FBXL18: variants seen among roughly 807,000 people sequenced by gnomAD.
FBXL18 encodes the protein F-box and leucine rich repeat protein 18, also known as F-box/LRR-repeat protein 18.
In FBXL18, 36 loss-of-function variants were observed where a neutral mutation model predicts 46.0. That is an observed-to-expected ratio of 0.78 (90% CI 0.60 to 1.03). The LOEUF (loss-of-function observed/expected upper bound fraction) is 1.03. Among genes scored for constraint, FBXL18 ranks in the 50% least tolerant of loss-of-function variants. FBXL18 has a pLI of 0.00. For synonymous variants in FBXL18, 557 were observed against 465.3 expected (o/e 1.20, Z -2.54); for missense variants, 977 against 1,004.1 (o/e 0.97, Z 0.36).
At chr7:5,486,488 TA>T (rs964660320) in intron 4 of FBXL18, among the ~76,000 whole-genome samples, 2 of 149,394 alleles carry the variant, frequency 1.3e-5, no homozygotes, top group African/African-American at 4.9e-5. Context: ...TCCATCTCTA[TA>T]AAAAAATGTA....
chr7:5,455,618 C>G lies in FBXL18; in HGVS notation c.2001-7775G>C, dbSNP rs954821744. 6.6e-6 allele frequency among the ~76,000 whole-genome samples: 1 copy of G among 152,076 alleles called. No individual in the cohort carries two copies. Among genetic ancestry groups the G allele is most frequent in the Non-Finnish European group, 1.5e-5 (1 of 68,016 alleles). On this transcript the variant is annotated intron_variant and NMD_transcript_variant, in intron 4 of 6. Transcript: ENST00000415009. This position sits in a 1 kb window ranked among gnomAD's most constrained non-coding sequence, Gnocchi z 4.6. ...TGCATTCCCATGGCGCCAAGTCGGT[C>G]CTGAGAAGATCCTCCGGGATTGCTG...
Position 5,484,332 on chromosome 7 carries a change from G to A in FBXL18, c.2001-2401C>T, listed in dbSNP as rs986060780. On this transcript the variant is annotated intron_variant, in intron 4 of 4. Transcript: ENST00000382368. ...AATACAAAAAAAAAATTAGCCGGGCGTGGTGGTGGGCGCCTGTAGTCCCAG... is the reference window on the plus strand; with the variant it reads ...AATACAAAAAAAAAATTAGCCGGGCATGGTGGTGGGCGCCTGTAGTCCCAG... Among the ~76,000 whole-genome samples the A allele has an allele frequency of 1.1e-4, 16 of 152,120 alleles. No individual in the cohort carries two copies. The East Asian group carries it at 2.9e-3, about 28-fold the overall frequency.
At chr7:5,510,911 C>T (rs1784515934) in intron 1 of FBXL18, among the ~76,000 whole-genome samples, 1 of 152,078 alleles carries the variant, frequency 6.6e-6, no homozygotes, top group Non-Finnish European at 1.5e-5. Context: ...TTACCAGGCA[C>T]ACTAGGAACC....
At chr7:5,466,243 A>C (rs1212864712) in intron 4 of FBXL18, among the ~76,000 whole-genome samples, 2 of 152,156 alleles carry the variant, frequency 1.3e-5, no homozygotes, top group Admixed American at 1.3e-4. Flanking sequence ...AAACGGTGTT[A>C]ATTACCACAC....
chr7:5,478,893 T>C lies in FBXL18; in HGVS notation c.*2882A>G, dbSNP rs1282931447. 6.6e-6 allele frequency: 1 copy of C among 152,268 alleles called. No homozygotes were observed. Among genetic ancestry groups the C allele is most frequent in the African/African-American group, 2.4e-5 (1 of 41,458 alleles). The allele number at this position is 152,268 out of a possible 1,614,324, so 9.4% of individuals were successfully genotyped here. The stretch of plus-strand genomic sequence containing the variant: ...CGCACGCAGGCACGGGGACAAGTGC[T>C]GACCACGCTCCTCCAGCAGGCAGCA... On this transcript the variant is annotated 3_prime_UTR_variant, in exon 5 of 5. Transcript: ENST00000382368.
intron 1 of FBXL18, among the ~76,000 whole-genome samples, chr7:5,511,446 T>A (rs1454225456): frequency 6.6e-6 from 1 of 151,870 alleles, no homozygotes; most frequent in East Asian, 1.9e-4. Context: ...GTATTTTTTT[T>A]ACAAAAATAC....
Position 5,513,755 on chromosome 7 carries a change from G to T in FBXL18, c.-81C>A. On this transcript the variant is annotated 5_prime_UTR_variant, in exon 1 of 5. Transcript: ENST00000382368. ...TGCCCGGCTAGGGATGCTCGAAGCC[G>T]GCGCGTCCACCGCTCAACCGAGACC... 6.5e-7 allele frequency: 1 copy of T among 1,541,036 alleles called. No homozygotes were observed. The highest frequency in any genetic ancestry group is 8.8e-7 in the Non-Finnish European group (1 of 1,140,376).
At chr7:5,467,959 A>G (rs544803743) in intron 4 of FBXL18, among the ~76,000 whole-genome samples, 1 of 152,144 alleles carries the variant, frequency 6.6e-6, no homozygotes, top group East Asian at 1.9e-4. Flanking sequence ...CAGGACCCGA[A>G]ATCCAATGAT....
chr7:5,489,976 T>C, intron 4 of FBXL18: 2 of 1,278,786 alleles, frequency 1.6e-6, no homozygotes, highest in Non-Finnish European at 2.1e-6. Flanking sequence ...GATTGATGCA[T>C]AGTCTAAATT....
At chr7:5,499,779 G>C (rs561501244) in intron 3 of FBXL18, among the ~76,000 whole-genome samples, 1 of 151,252 alleles carries the variant, frequency 6.6e-6, no homozygotes, top group Admixed American at 6.6e-5. Flanking sequence ...GGAGGCCAAG[G>C]GTGGTGGCTC....
intron 3 of FBXL18, among the ~76,000 whole-genome samples, chr7:5,493,333 G>A (rs1005221782): frequency 6.6e-6 from 1 of 152,144 alleles, no homozygotes; most frequent in Non-Finnish European, 1.5e-5. Flanking sequence ...AGACAGTCTC[G>A]ATCTGTTGCC....
At chr7:5,458,659 T>G (rs1783204230) in intron 4 of FBXL18, among the ~76,000 whole-genome samples, 1 of 149,638 alleles carries the variant, frequency 6.7e-6, no homozygotes, top group Non-Finnish European at 1.5e-5. Flanking sequence ...ATTGCGCCAC[T>G]GCACTCCAGC....
intron 3 of FBXL18, chr7:5,495,862 G>T: frequency 2.1e-6 from 1 of 480,676 alleles, no homozygotes; most frequent in South Asian, 1.5e-5. Context: ...TTCTGAACAG[G>T]CAGTACCCAG....
chr7:5,469,800 G>A (rs769605194), intron 4 of FBXL18, among the ~76,000 whole-genome samples: 9 of 151,956 alleles, frequency 5.9e-5, no homozygotes, highest in Non-Finnish European at 1.3e-4. Context: ...ACATGTGGAA[G>A]TGTGAGCACT....
chr7:5,468,948 A>G (rs56127403), intron 4 of FBXL18, among the ~76,000 whole-genome samples: 26,997 of 151,570 alleles, frequency 0.18, 2,680 homozygotes, highest in Middle Eastern at 0.24. Context: ...CTAGGTGTAT[A>G]AAATTAATCC....
intron 1 of FBXL18, 129 bp from the exon 2 acceptor site, chr7:5,505,759 A>G: frequency 1.4e-6 from 1 of 699,592 alleles, no homozygotes; most frequent in Non-Finnish European, 2.4e-6. Context: ...TAAAACTCTC[A>G]ACTGAATGAC....
At chr7:5,510,831 A>G (rs935588811) in intron 1 of FBXL18, among the ~76,000 whole-genome samples, 12 of 152,094 alleles carry the variant, frequency 7.9e-5, no homozygotes, top group Admixed American at 6.6e-4. Context: ...ACAGGTCCCA[A>G]CCAGGCACCT....
At chr7:5,498,080 C>CTTTTTTTTTT (rs767982897) in intron 3 of FBXL18, among the ~76,000 whole-genome samples, 1 of 139,040 alleles carries the variant, frequency 7.2e-6, no homozygotes, top group Non-Finnish European at 1.6e-5. Context: ...TTTCTTTTTA[C>CTTTTTTTTTT]TTTTTTTTTT....
At position 5,481,464 on chromosome 7, in the gene FBXL18, A is replaced by C; in HGVS notation, c.*311T>G. 1 of 260,780 alleles carries C rather than the reference A, an allele frequency of 3.8e-6. No homozygotes were observed. Among genetic ancestry groups the C allele is most frequent in the Non-Finnish European group, 7.5e-6 (1 of 133,220 alleles). The allele number at this position is 260,780 out of a possible 1,614,324, so 16.2% of individuals were successfully genotyped here. A position where few individuals can be genotyped will look rare whatever the true frequency, so the allele number is the denominator to read the frequency against. On this transcript the variant is annotated 3_prime_UTR_variant, in exon 5 of 5. Coordinates refer to ENST00000382368, the MANE Select transcript of FBXL18 (RefSeq NM_024963.6). The stretch of plus-strand genomic sequence containing the variant: ...CTCCAGGCCCGTGGACAGGGCCCCC[A>C]GGGATTGCGGCTCAGTATACAAACC...
Sources: gnomAD v4.1 joint callset for allele counts (sites outside exome capture counted in the v4.1 genomes callset) on GRCh38, gnomAD v4.1.1 for gene constraint, Gnocchi (gnomAD v3.1) non-coding constraint, MANE v1.5 for transcripts, NCBI Gene and HGNC (gene_info 2026-07-23, HGNC 2026-07-21) for gene names.